Variants in SMC2 observed in about 807,000 individuals in gnomAD.
SMC2 encodes structural maintenance of chromosomes 2, also known as structural maintenance of chromosomes protein 2.
In SMC2, 41 loss-of-function variants were observed where a neutral mutation model predicts 142.6. The observed-to-expected ratio is 0.29, with a 90% CI of 0.22 to 0.37. The LOEUF is 0.37. SMC2 is among the 10% of genes least tolerant of loss of function. The pLI, the probability that SMC2 is intolerant of heterozygous loss-of-function variation, is 1.00. For missense variants in SMC2, 1,265 were observed against 1,373.7 expected (o/e 0.92, Z 1.25); for synonymous variants, 463 against 457.5 (o/e 1.01, Z -0.15).
At position 104,107,029 on chromosome 9, in the gene SMC2, A is replaced by G. The variant is rs139876382; in HGVS notation, c.1020+4456A>G. The stretch of plus-strand genomic sequence containing the variant: ...CCCGGGGAGCCAGAGGAGAAGCCAA[A>G]GCATCCCCTGTGGTTTGTTTGGACC... On this transcript the variant is annotated intron_variant, in intron 9 of 24. Transcript: ENST00000374793. Among the ~76,000 whole-genome samples, 289 of 152,288 alleles carry G rather than the reference A, an allele frequency of 1.9e-3. 2 individuals are homozygous for G. Among genetic ancestry groups the G allele is most frequent in the African/African-American group, 6.6e-3 (275 of 41,564 alleles).
rs370526014 is a variant in SMC2, at chr9:104,120,139, A to T, written c.2109A>T (p.Ala703=). ...NELRALEEEL[A]GLKNTAEKYR... Reference sequence around the variant, plus strand: ...TGCGGGCTCTAGAAGAGGAATTAGCAGGTCTTAAAAACACTGCTGAAAAGT... The same window carrying T: ...TGCGGGCTCTAGAAGAGGAATTAGCTGGTCTTAAAAACACTGCTGAAAAGT... The change falls in exon 16 of 25, where the codon GCA becomes GCT. Residue 703 remains alanine (A), a synonymous_variant. Coordinates refer to ENST00000374793, the MANE Select transcript of SMC2 (RefSeq NM_006444.3). 2 of 1,611,776 alleles carry T rather than the reference A, an allele frequency of 1.2e-6. No individual in the cohort carries two copies. The highest frequency in any genetic ancestry group is 2.7e-5 in the African/African-American group (2 of 74,766).
intron 3 of SMC2, among the ~76,000 whole-genome samples, chr9:104,097,574 A>G (rs1414886927): frequency 6.6e-6 from 1 of 151,018 alleles, no homozygotes; most frequent in Non-Finnish European, 1.5e-5. Context: ...GTCATTAGGC[A>G]TCCATCAAAT....
chr9:104,139,115 A>G (rs373259941), intron 24 of SMC2, 24 bp from the exon 25 acceptor site: 2 of 1,521,670 alleles, frequency 1.3e-6, no homozygotes, highest in Non-Finnish European at 1.8e-6. Flanking sequence ...AAGTTTTTTT[A>G]TACTTTTTTC....
At chr9:104,121,106 G>C (rs1365189515) in intron 16 of SMC2, among the ~76,000 whole-genome samples, 1 of 136,774 alleles carries the variant, frequency 7.3e-6, no homozygotes, top group East Asian at 2.0e-4. Context: ...ACAAGAGTGA[G>C]TGAACTGGCT....
At chr9:104,093,972 G>C (rs1490356872), upstream of SMC2, among the ~76,000 whole-genome samples, 2 of 152,202 alleles carry the variant, frequency 1.3e-5, no homozygotes, top group African/African-American at 4.8e-5. Context: ...AGCCAGCACC[G>C]CAGACTGGAG....
At chr9:104,100,505 A>C in intron 7 of SMC2, 72 bp downstream of exon 7, 1 of 936,900 alleles carries the variant, frequency 1.1e-6, no homozygotes, top group South Asian at 1.5e-5. Flanking sequence ...AAAATCATAC[A>C]CATAGTGATA....
chr9:104,137,324 G>GA (rs545686120), intron 23 of SMC2, among the ~76,000 whole-genome samples: 206 of 151,948 alleles, frequency 1.4e-3, no homozygotes, highest in African/African-American at 4.8e-3. Flanking sequence ...TATTTGTAAA[G>GA]AAAAAATATA....
chr9:104,097,119 G>GTTTTTTTTTTTTTTTTTTT (rs71501412), intron 3 of SMC2, among the ~76,000 whole-genome samples: 1 of 104,120 alleles, frequency 9.6e-6, no homozygotes, highest in Non-Finnish European at 2.0e-5. Context: ...GCTTGTCAAG[G>GTTTTTTTTTTTTTTTTTTT]TTTTTTTTTT....
Position 104,096,242 on chromosome 9 carries a change from AAAAGC to A in SMC2, c.268_272del (p.Gln90SerfsTer5). ...TCAATCACTTTTGATAATTCTGACA[AAAAGC>A]AAAGTCCTTTAGGATTTGAGGTTCA... On this transcript the variant is annotated frameshift_variant, in exon 3 of 25. Transcript: ENST00000374793. LOFTEE classifies it high-confidence loss of function. The A allele has an allele frequency of 6.2e-7, 1 of 1,614,210 alleles. No individual in the cohort carries two copies. Among genetic ancestry groups the A allele is most frequent in the Non-Finnish European group, 8.5e-7 (1 of 1,180,004 alleles).
chr9:104,114,647 A>G, intron 12 of SMC2, 44 bp from the exon 13 acceptor site: 2 of 1,532,116 alleles, frequency 1.3e-6, no homozygotes, highest in African/African-American at 1.4e-5. Context: ...AACTTTTTCT[A>G]CTTTATTATC....
At chr9:104,091,288 A>G (rs1402724862), upstream of SMC2, among the ~76,000 whole-genome samples, 1 of 152,238 alleles carries the variant, frequency 6.6e-6, no homozygotes, top group African/African-American at 2.4e-5. Context: ...CTTTTATAGC[A>G]TATTACTGTA....
upstream of SMC2, chr9:104,093,205 G>C (rs543968283): frequency 2.0e-4 from 31 of 152,192 alleles, no homozygotes; most frequent in African/African-American, 7.2e-4. Flanking sequence ...ACCTCACTTA[G>C]GGTAACACCA....
intron 7 of SMC2, 128 bp downstream of exon 7, chr9:104,100,561 G>T: frequency 1.6e-6 from 1 of 609,276 alleles, no homozygotes. Context: ...AGGAATTAGA[G>T]TTGGCACTCC....
chr9:104,132,694 T>C (rs1458768917), intron 22 of SMC2, among the ~76,000 whole-genome samples: 1 of 152,110 alleles, frequency 6.6e-6, no homozygotes, highest in East Asian at 1.9e-4. Flanking sequence ...AGCACAATTA[T>C]CCCTTTTAGT....
intron 17 of SMC2, among the ~76,000 whole-genome samples, chr9:104,124,213 A>C (rs1440768415): frequency 1.3e-5 from 2 of 152,034 alleles, no homozygotes; most frequent in African/African-American, 4.8e-5. Context: ...CAGCCTCCCG[A>C]GTAGCTGGGA....
intron 9 of SMC2, among the ~76,000 whole-genome samples, 183 bp downstream of exon 9, chr9:104,102,756 T>C (rs760793141): frequency 1.3e-5 from 2 of 152,068 alleles, no homozygotes; most frequent in South Asian, 2.1e-4. Flanking sequence ...CTTCATTCCA[T>C]TGGGGGAAAT....
intron 9 of SMC2, among the ~76,000 whole-genome samples, chr9:104,102,829 AAGC>A (rs1831317720): frequency 1.3e-5 from 2 of 152,178 alleles, no homozygotes; most frequent in African/African-American, 2.4e-5. Context: ...TGTGGAGAAA[AAGC>A]AGGGAAGGGG....
Position 104,126,651 on chromosome 9 carries a change from C to T in SMC2, c.2462C>T (p.Ala821Val). ...KMKEKQQEVE[A>V]ITLELEELKR... ...CTGTATTTTTTATAGGAAGTTGAAG[C>T]TATCACTCTGGAACTGGAAGAGCTC... Residue 821 changes from alanine (A) to valine (V), a missense_variant, in exon 19 of 25, where the codon GCT (alanine) becomes GTT (valine). By Grantham distance (64) the Ala-to-Val change is moderately conservative. This residue lies in a region of SMC2 where 898 missense variants were observed against 904.2 expected (regional missense o/e 0.99). Transcript: ENST00000374793. The T allele has an allele frequency of 6.2e-7, 1 of 1,606,236 alleles. No individual in the cohort carries two copies. The highest frequency in any genetic ancestry group is 8.5e-7 in the Non-Finnish European group (1 of 1,178,178).
At chr9:104,119,980 A>C in intron 15 of SMC2, 47 bp from the exon 16 acceptor site, 1 of 1,596,398 alleles carries the variant, frequency 6.3e-7, no homozygotes, top group Non-Finnish European at 8.6e-7. Context: ...TGTGTAGTAC[A>C]TACCTGGTAA....
Sources: allele counts gnomAD v4.1 joint callset (sites outside exome capture counted in the v4.1 genomes callset), GRCh38; gene constraint gnomAD v4.1.1; regional missense constraint gnomAD v4.1.1; transcripts MANE v1.5; gene names NCBI Gene and HGNC (gene_info 2026-07-23, HGNC 2026-07-21).